Variants in SGCD observed in about 807,000 individuals in gnomAD.
The protein encoded by SGCD is sarcoglycan delta.
A neutral mutation model predicts 36.6 loss-of-function variants in SGCD; 18 were observed. The observed-to-expected ratio is 0.49, with a 90% CI of 0.34 to 0.73. The LOEUF is 0.73. Ranked by LOEUF, SGCD falls within the 30% of genes least tolerant of loss-of-function variation. SGCD has a pLI of 0.01. For missense variants in SGCD, 387 were observed against 346.7 expected, an observed-to-expected ratio of 1.12 and a Z score of -0.92; for synonymous variants, 133 against 130.6, an observed-to-expected ratio of 1.02 and a Z score of -0.12.
At chr5:156,733,194 C>T (rs992796153) in intron 7 of SGCD, among the ~76,000 whole-genome samples, 4 of 152,070 alleles carry the variant, frequency 2.6e-5, no homozygotes, top group East Asian at 3.9e-4. Context: ...GAGCATTTAG[C>T]GCTATCAATT....
intron 3 of SGCD, among the ~76,000 whole-genome samples, chr5:156,410,870 C>CGATT (rs1404803795): frequency 6.6e-6 from 1 of 152,040 alleles, no homozygotes; most frequent in African/African-American, 2.4e-5. Flanking sequence ...GAATCCTAAT[C>CGATT]CTCCCTTCTT....
intron 3 of SGCD, among the ~76,000 whole-genome samples, chr5:156,293,575 T>C (rs1162587904): frequency 6.6e-6 from 1 of 152,176 alleles, no homozygotes; most frequent in Admixed American, 6.6e-5. Flanking sequence ...TTGAAATGAT[T>C]ATATCTTCCC....
At chr5:156,271,844 C>T (rs978605554) in intron 3 of SGCD, among the ~76,000 whole-genome samples, 2 of 152,134 alleles carry the variant, frequency 1.3e-5, no homozygotes, top group Non-Finnish European at 2.9e-5. Context: ...GTGGATAGCT[C>T]ATTCCCAGAC....
chr5:156,095,231 C>A (rs920786123), intron 1 of SGCD, among the ~76,000 whole-genome samples: 2 of 152,176 alleles, frequency 1.3e-5, no homozygotes, highest in African/African-American at 4.8e-5. Context: ...ACGCAAATCT[C>A]ACCACATAGC....
At chr5:156,417,337 C>T (rs57792332) in intron 3 of SGCD, among the ~76,000 whole-genome samples, 23,254 of 152,066 alleles carry the variant, frequency 0.15, 2,010 homozygotes, top group South Asian at 0.23. Flanking sequence ...AATAAATGAT[C>T]GTGAACCCTT....
intron 1 of SGCD, among the ~76,000 whole-genome samples, chr5:155,945,222 T>A (rs1406479794): frequency 6.6e-6 from 1 of 152,146 alleles, no homozygotes; most frequent in Admixed American, 6.5e-5. Context: ...CCAAATGAAC[T>A]AACTGGCTTG....
intron 3 of SGCD, among the ~76,000 whole-genome samples, chr5:156,497,644 T>TCTCA (rs768823725): frequency 3.3e-4 from 47 of 141,626 alleles, no homozygotes; most frequent in Middle Eastern, 3.4e-3. Context: ...TCTCTCTCTC[T>TCTCA]CACACACACA....
At chr5:155,733,972 G>A in the SGCD span, among the ~76,000 whole-genome samples, 2 of 151,576 alleles carry the variant, frequency 1.3e-5, no homozygotes, top group Non-Finnish European at 2.9e-5. Context: ...TTTGCTATGT[G>A]CCAGGTTCCA....
intron 6 of SGCD, among the ~76,000 whole-genome samples, chr5:156,611,128 G>A (rs887445937): frequency 7.2e-5 from 11 of 152,134 alleles, no homozygotes; most frequent in African/African-American, 1.4e-4. Flanking sequence ...CGTCTTCTGC[G>A]CCACTCACGC....
intron 1 of SGCD, among the ~76,000 whole-genome samples, chr5:155,969,386 A>G (rs912685544): frequency 1.3e-4 from 20 of 152,160 alleles, no homozygotes; most frequent in African/African-American, 4.8e-4. Flanking sequence ...AAGAAATCCT[A>G]CAGAGCTGAA....
intron 3 of SGCD, among the ~76,000 whole-genome samples, chr5:156,167,895 A>G (rs1414736901): frequency 2.0e-5 from 3 of 152,244 alleles, no homozygotes; most frequent in African/African-American, 7.2e-5. Context: ...AAAAGGACTA[A>G]CACAGAAGCA....
At chr5:156,684,266 G>T (rs916333854) in intron 7 of SGCD, among the ~76,000 whole-genome samples, 2 of 152,172 alleles carry the variant, frequency 1.3e-5, no homozygotes, top group East Asian at 3.9e-4. Context: ...TGGAGGTGGG[G>T]AAGATGATGA....
the SGCD span, among the ~76,000 whole-genome samples, chr5:155,730,402 A>C: frequency 6.9e-6 from 1 of 145,610 alleles, no homozygotes; most frequent in Non-Finnish European, 1.5e-5. Flanking sequence ...ATGTCTATAA[A>C]GGAGGTATTT....
chr5:155,802,096 G>A, the SGCD span, among the ~76,000 whole-genome samples: 1 of 152,216 alleles, frequency 6.6e-6, no homozygotes, highest in Non-Finnish European at 1.5e-5. Context: ...TGGGTCAGAT[G>A]AAGTGTTTTT....
chr5:156,502,644 A>G (rs921612603), intron 3 of SGCD, among the ~76,000 whole-genome samples: 2 of 152,138 alleles, frequency 1.3e-5, no homozygotes, highest in African/African-American at 4.8e-5. Context: ...CCAATTCTCA[A>G]TCTTCTAAAT....
chr5:155,980,651 T>C (rs1404551746), intron 1 of SGCD, among the ~76,000 whole-genome samples: 2 of 118,376 alleles, frequency 1.7e-5, no homozygotes, highest in Non-Finnish European at 1.7e-5. Context: ...TTCTTACTGA[T>C]AGCATAGACA....
chr5:156,451,507 G>A (rs1754013267), intron 3 of SGCD, among the ~76,000 whole-genome samples: 1 of 152,124 alleles, frequency 6.6e-6, no homozygotes, highest in South Asian at 2.1e-4. Flanking sequence ...AGTCCATTAG[G>A]CAATGATGGA....
chr5:155,788,207 T>G, the SGCD span, among the ~76,000 whole-genome samples: 2 of 152,178 alleles, frequency 1.3e-5, no homozygotes. Context: ...AAACATGGTT[T>G]TTAATAACCT....
At chr5:156,228,677 A>G (rs1248350720) in intron 3 of SGCD, among the ~76,000 whole-genome samples, 1 of 152,168 alleles carries the variant, frequency 6.6e-6, no homozygotes, top group Non-Finnish European at 1.5e-5. Flanking sequence ...TCCATTGATC[A>G]TGCTATTTGT....
Sources: allele counts gnomAD v4.1 joint callset (sites outside exome capture counted in the v4.1 genomes callset), GRCh38; gene constraint gnomAD v4.1.1; transcripts MANE v1.5; gene names NCBI Gene and HGNC (gene_info 2026-07-23, HGNC 2026-07-21).